ERICH1: variants seen among roughly 807,000 people sequenced by gnomAD.
The protein encoded by ERICH1 is glutamate rich 1.
ERICH1 carries 56 observed loss-of-function variants against 39.6 expected under a neutral mutation model. The ratio of observed to expected loss-of-function variants is 1.41; its 90% CI spans 1.14 to 1.77. The LOEUF is 1.77. ERICH1 is among the 40% of genes most tolerant of loss of function. ERICH1 has a pLI of 0.00. For missense variants in ERICH1, 826 were observed against 575.4 expected (o/e 1.44, Z -4.45); for synonymous variants, 313 against 223.6 (o/e 1.40, Z -3.57).
intron 3 of ERICH1, among the ~76,000 whole-genome samples, chr8:621,368 C>G (rs1424674298): frequency 1.3e-5 from 2 of 152,024 alleles, no homozygotes; most frequent in Admixed American, 6.5e-5. Context: ...AAAAATTTCT[C>G]ACAACAAAAG....
At chr8:677,537 G>A (rs1227850271) in intron 3 of ERICH1, among the ~76,000 whole-genome samples, 1 of 152,206 alleles carries the variant, frequency 6.6e-6, no homozygotes, top group Non-Finnish European at 1.5e-5. Context: ...GCGAGTGTGT[G>A]TTGTTGCTTT....
intron 1 of ERICH1, among the ~76,000 whole-genome samples, chr8:719,487 C>T (rs370843900): frequency 7.9e-5 from 12 of 152,356 alleles, no homozygotes; most frequent in African/African-American, 2.6e-4. Context: ...CGCCCGCGGT[C>T]GCCCGCAGGT....
At position 710,101 on chromosome 8, in the gene ERICH1, T is replaced by C. The variant is rs137912437; in HGVS notation, c.169+5760A>G. ...CATCACCGTCAGAGCCGTACATTCT[T>C]ATAATCAATAAACCTACGCTGACAC... is the stretch of plus-strand genomic sequence containing the variant. On this transcript the variant is annotated intron_variant, in intron 2 of 5. Transcript: ENST00000262109. Among the ~76,000 whole-genome samples the C allele has an allele frequency of 7.7e-4, 117 of 152,302 alleles. 1 individual carries two copies. Among genetic ancestry groups the C allele is most frequent in the Middle Eastern group, 3.4e-3 (1 of 294 alleles).
At chr8:696,325 C>T (rs1379949767) in intron 2 of ERICH1, among the ~76,000 whole-genome samples, 1 of 47,050 alleles carries the variant, frequency 2.1e-5, no homozygotes, top group Admixed American at 1.7e-4. Context: ...AGCCTGCGCT[C>T]GCTCCTCTCA....
downstream of ERICH1, among the ~76,000 whole-genome samples, chr8:661,397 A>C (rs1440508132): frequency 6.6e-6 from 1 of 152,108 alleles, no homozygotes; most frequent in Non-Finnish European, 1.5e-5. Context: ...CAGGCTCTGC[A>C]GACACAGGCG....
intron 3 of ERICH1, among the ~76,000 whole-genome samples, chr8:636,084 C>A (rs186632543): frequency 1.3e-5 from 2 of 152,248 alleles, no homozygotes; most frequent in African/African-American, 4.8e-5. Context: ...AAGCTGGGAT[C>A]CTGTTAATAG....
At chr8:653,560 T>C (rs1413430561) in intron 3 of ERICH1, among the ~76,000 whole-genome samples, 2 of 152,258 alleles carry the variant, frequency 1.3e-5, no homozygotes, top group Non-Finnish European at 2.9e-5. Flanking sequence ...GAGGAATCCC[T>C]GGAGTCTCTC....
intron 3 of ERICH1, chr8:626,893 G>C: frequency 3.2e-6 from 1 of 311,572 alleles, no homozygotes; most frequent in East Asian, 7.6e-5. Context: ...GTTGGAACCT[G>C]TTCATTCTTG....
chr8:616,603 A>T (rs903162087), intron 3 of ERICH1: 1 of 454,806 alleles, frequency 2.2e-6, no homozygotes, highest in Non-Finnish European at 4.4e-6. Flanking sequence ...CAGAGAGAGA[A>T]TAAGAGTGAG....
At chr8:717,104 T>C (rs969422338) in intron 1 of ERICH1, among the ~76,000 whole-genome samples, 7 of 152,162 alleles carry the variant, frequency 4.6e-5, no homozygotes, top group African/African-American at 1.7e-4. Context: ...ACAAGGTGGC[T>C]GCTCACTCAG....
chr8:724,232 G>A (rs1220172196), intron 1 of ERICH1, among the ~76,000 whole-genome samples: 1 of 152,156 alleles, frequency 6.6e-6, no homozygotes, highest in Non-Finnish European at 1.5e-5. Flanking sequence ...CCGGGCACCT[G>A]CAGGCCAGCT....
At chr8:682,504 G>A (rs555063656) in intron 3 of ERICH1, among the ~76,000 whole-genome samples, 1 of 152,258 alleles carries the variant, frequency 6.6e-6, no homozygotes, top group South Asian at 2.1e-4. Flanking sequence ...AACCACTCCA[G>A]AGACTCCAGA....
chr8:619,302 G>A (rs569506076), intron 3 of ERICH1, among the ~76,000 whole-genome samples: 15 of 152,244 alleles, frequency 9.9e-5, no homozygotes, highest in African/African-American at 3.1e-4. Flanking sequence ...GCGCACGAGG[G>A]GGGCCCGGTG....
At chr8:696,835 G>A (rs1444330703) in intron 2 of ERICH1, among the ~76,000 whole-genome samples, 1 of 116,878 alleles carries the variant, frequency 8.6e-6, no homozygotes, top group East Asian at 2.5e-4. Flanking sequence ...GCCTGCGCTC[G>A]CTCCTCTCAC....
chr8:700,659 T>C (rs1195460973), intron 2 of ERICH1, among the ~76,000 whole-genome samples: 1 of 152,232 alleles, frequency 6.6e-6, no homozygotes, highest in Non-Finnish European at 1.5e-5. Context: ...ACAGCTGTTT[T>C]ATGTGCAGTA....
chr8:683,858 A>T (rs781327971), intron 3 of ERICH1, among the ~76,000 whole-genome samples: 4 of 152,220 alleles, frequency 2.6e-5, no homozygotes, highest in Non-Finnish European at 4.4e-5. Flanking sequence ...CATGTGGCCA[A>T]ATACACATTA....
rs779547434 is a variant in ERICH1, at chr8:673,974, G to C, written c.378C>G (p.Pro126=). ...CTGCTTGTTCTATAAGAACATTATT[G>C]GGATTTTTAAATTTTTTCTTTGATT... The part of the protein sequence containing the change: ...KHKSKKKFKN[P]NNVLIEQAEL... The change falls in exon 4 of 6, where the codon CCC becomes CCG. Residue 126 remains proline (P), a synonymous_variant. Transcript: ENST00000262109. The C allele has an allele frequency of 1.7e-5, 27 of 1,592,430 alleles. No homozygotes were observed. Among genetic ancestry groups the C allele is most frequent in the Middle Eastern group, 3.4e-4 (2 of 5,958 alleles).
intron 2 of ERICH1, 26 bp downstream of exon 2, chr8:715,835 C>A: frequency 6.3e-7 from 1 of 1,589,576 alleles, no homozygotes. Context: ...TTTCTGAGAC[C>A]CACCCACATC....
intron 4 of ERICH1, among the ~76,000 whole-genome samples, chr8:671,123 A>G (rs1803241051): frequency 6.7e-6 from 1 of 149,164 alleles, no homozygotes; most frequent in Non-Finnish European, 1.5e-5. Flanking sequence ...CCAGGCTCCG[A>G]CCTCTGAACG....
Sources: gnomAD v4.1 joint callset for allele counts (sites outside exome capture counted in the v4.1 genomes callset) on GRCh38, gnomAD v4.1.1 for gene constraint, MANE v1.5 for transcripts, NCBI Gene and HGNC (gene_info 2026-07-23, HGNC 2026-07-21) for gene names.